Variants in SNTB2 observed in about 807,000 individuals in gnomAD.
SNTB2 encodes the protein syntrophin beta 2.
In SNTB2, 34 loss-of-function variants were observed where a neutral mutation model predicts 46.2. That is an observed-to-expected ratio of 0.74 (90% CI 0.56 to 0.98). SNTB2 has a LOEUF of 0.98. SNTB2 is among the 50% of genes least tolerant of loss of function. The pLI is 0.00. For missense variants in SNTB2, 603 were observed against 731.4 expected (o/e 0.82, Z 2.02); for synonymous variants, 290 against 312.6 (o/e 0.93, Z 0.76).
intron 5 of SNTB2, among the ~76,000 whole-genome samples, chr16:69,298,849 T>C (rs1965252322): frequency 6.6e-6 from 1 of 152,126 alleles, no homozygotes; most frequent in South Asian, 2.1e-4. Context: ...AGGGCCTATC[T>C]GAAGGCCCAT....
chr16:69,308,784 T>G lies in SNTB2; in HGVS notation c.*7860T>G, dbSNP rs775365896. 3 of 152,206 alleles carry G rather than the reference T, an allele frequency of 2.0e-5. No homozygotes were observed. The highest frequency in any genetic ancestry group is 1.3e-4 in the Admixed American group (2 of 15,272). 9.4% of individuals were successfully genotyped at this position (152,206 alleles called of 1,614,324 possible). ...TATTTAAACAAGCCTTCTTTTTAAG[T>G]CTTGTTTGAAATTTAAGTCTCAGAT... On this transcript the variant is annotated 3_prime_UTR_variant, in exon 7 of 7. Transcript: ENST00000336278.
At chr16:69,255,169 C>T (rs1345036096) in intron 2 of SNTB2, among the ~76,000 whole-genome samples, 1 of 152,022 alleles carries the variant, frequency 6.6e-6, no homozygotes, top group Non-Finnish European at 1.5e-5. Context: ...ACTATCATAG[C>T]TCACTCTAGC....
intron 1 of SNTB2, among the ~76,000 whole-genome samples, chr16:69,222,835 G>T (rs1389292728): frequency 6.6e-6 from 1 of 152,088 alleles, no homozygotes; most frequent in Admixed American, 6.6e-5. Flanking sequence ...AGGCTGGAGT[G>T]CAGTGGTGCG....
chr16:69,300,871 G>C lies in SNTB2; in HGVS notation c.1570G>C (p.Val524Leu), dbSNP rs1246312354. Residue 524 changes from valine (V) to leucine (L), a missense_variant, in exon 7 of 7, where the codon GTG becomes CTG. This residue lies in a region of SNTB2 where 537 missense variants were observed against 692.4 expected (regional missense o/e 0.78). Transcript: ENST00000336278. ...LHSCPKPIVF[V>L]LHTFLSAKVT... ...CTCTTGTCCGAAGCCGATTGTATTT[G>C]TGTTGCACACGTTTTTATCGGCCAA... 2.5e-6 allele frequency: 4 copies of C among 1,614,002 alleles called. No individual in the cohort carries two copies. In the South Asian group the frequency reaches 4.4e-5, roughly 18 times the overall value.
At chr16:69,248,133 T>A (rs564878633) in intron 2 of SNTB2, among the ~76,000 whole-genome samples, 1 of 152,188 alleles carries the variant, frequency 6.6e-6, no homozygotes, top group African/African-American at 2.4e-5. Flanking sequence ...TTAAGAAAAG[T>A]CTTAACTGAC....
chr16:69,284,085 C>G lies in SNTB2; in HGVS notation c.1186C>G (p.Leu396Val), dbSNP rs770127255. The G allele has an allele frequency of 6.2e-7, 1 of 1,613,646 alleles. No homozygotes were observed. The highest frequency in any genetic ancestry group is 8.5e-7 in the Non-Finnish European group (1 of 1,179,834). The change falls in exon 5 of 7, where the codon CTT becomes GTT. Residue 396 changes from leucine (L) to valine (V), a missense_variant. Leu to Val is a conservative substitution (Grantham distance 32). Coordinates refer to ENST00000336278, the MANE Select transcript of SNTB2 (RefSeq NM_006750.4). Reference sequence around the variant, plus strand: ...TGGCTCCGGATGTCGATCCCCCTCCCTTGGATCTGACCTTACATTTGCTAC... The same window carrying G: ...TGGCTCCGGATGTCGATCCCCCTCCGTTGGATCTGACCTTACATTTGCTAC... The part of the protein sequence containing the change: ...HSGSGCRSPS[L>V]GSDLTFATRT...
At chr16:69,236,717 C>T (rs1212648676) in intron 1 of SNTB2, among the ~76,000 whole-genome samples, 3 of 149,354 alleles carry the variant, frequency 2.0e-5, no homozygotes, top group African/African-American at 7.4e-5. Context: ...ACTACAGTGG[C>T]TGGTCTGAGT....
rs567115862 is a variant in SNTB2 at position 69,284,117 on chromosome 16, A to G, written c.1218A>G (p.Thr406=). The change falls in exon 5 of 7, where the codon ACA becomes ACG. Residue 406 remains threonine (T), a synonymous_variant. Coordinates refer to ENST00000336278, the MANE Select transcript of SNTB2 (RefSeq NM_006750.4). ...CTGACCTTACATTTGCTACCAGGAC[A>G]GGCTCTCGACAGGGCATTGAGATGC... ...LGSDLTFATR[T]GSRQGIEMHL... is the part of the protein sequence containing the mutation. 1 of 1,614,040 alleles carries G rather than the reference A, an allele frequency of 6.2e-7. No homozygotes were observed. Among genetic ancestry groups the G allele is most frequent in the South Asian group, 1.1e-5 (1 of 91,074 alleles).
At chr16:69,203,932 G>A (rs1315660923) in intron 1 of SNTB2, among the ~76,000 whole-genome samples, 5 of 151,790 alleles carry the variant, frequency 3.3e-5, no homozygotes, top group East Asian at 1.9e-4. Context: ...TTGCTCTGTC[G>A]CCCAGGCTGG....
At chr16:69,219,651 T>C (rs1361691134) in intron 1 of SNTB2, among the ~76,000 whole-genome samples, 1 of 152,262 alleles carries the variant, frequency 6.6e-6, no homozygotes, top group Non-Finnish European at 1.5e-5. Flanking sequence ...CCGTCTCATT[T>C]GGTTGTAAAT....
chr16:69,210,027 T>A (rs1250701687), intron 1 of SNTB2, among the ~76,000 whole-genome samples: 3,635 of 149,244 alleles, frequency 0.024, 151 homozygotes, highest in African/African-American at 0.084. Context: ...TAATTTTTTT[T>A]TTTTTTTTTT....
At position 69,257,387 on chromosome 16, in the gene SNTB2, T is replaced by C. The variant is rs956702207; in HGVS notation, c.795-2663T>C. Among the ~76,000 whole-genome samples the C allele has an allele frequency of 3.5e-4, 53 of 151,978 alleles. 1 individual carries two copies. Among genetic ancestry groups the C allele is most frequent in the African/African-American group, 1.0e-3 (43 of 41,514 alleles). ...ACATGAACTTTCAAATATGGACTTT[T>C]CTTAAGCCCTTTGGCTGTTCATGAC... is the stretch of plus-strand genomic sequence containing the variant. On this transcript the variant is annotated intron_variant, in intron 2 of 6. Transcript: ENST00000336278.
chr16:69,245,851 C>T, intron 2 of SNTB2, 36 bp downstream of exon 2: 3 of 1,585,708 alleles, frequency 1.9e-6, no homozygotes, highest in Non-Finnish European at 2.6e-6. Context: ...ATACCTACAG[C>T]TTTACAAACT....
At chr16:69,281,841 C>T (rs1451060734) in intron 4 of SNTB2, among the ~76,000 whole-genome samples, 1 of 148,354 alleles carries the variant, frequency 6.7e-6, no homozygotes, top group Non-Finnish European at 1.5e-5. Context: ...AAGACTCCAT[C>T]TTAAGAAAAA....
At chr16:69,254,435 G>A (rs939418715) in intron 2 of SNTB2, among the ~76,000 whole-genome samples, 2 of 152,074 alleles carry the variant, frequency 1.3e-5, no homozygotes, top group African/African-American at 4.8e-5. Context: ...AAATTTTGTT[G>A]TAGTCACTCC....
At chr16:69,255,388 C>T (rs573069412) in intron 2 of SNTB2, among the ~76,000 whole-genome samples, 6 of 151,984 alleles carry the variant, frequency 3.9e-5, no homozygotes, top group Middle Eastern at 6.8e-3. Flanking sequence ...GGTGAAACCC[C>T]GTATCTACTA....
intron 1 of SNTB2, among the ~76,000 whole-genome samples, chr16:69,236,524 T>C (rs1470809411): frequency 6.6e-6 from 1 of 152,020 alleles, no homozygotes; most frequent in Non-Finnish European, 1.5e-5. Flanking sequence ...GTTTAGTGGG[T>C]ATAGAGTTTC....
intron 1 of SNTB2, among the ~76,000 whole-genome samples, 160 bp from the exon 2 acceptor site, chr16:69,245,442 G>T (rs1004586175): frequency 6.6e-6 from 1 of 152,048 alleles, no homozygotes. Context: ...TGATCCACCC[G>T]CCTCGGCCTC....
intron 5 of SNTB2, among the ~76,000 whole-genome samples, chr16:69,297,771 G>A (rs909839732): frequency 4.0e-5 from 6 of 151,742 alleles, no homozygotes; most frequent in Admixed American, 2.6e-4. Flanking sequence ...AAAATTAGCC[G>A]GGCGTGGTGG....
Sources: gnomAD v4.1 joint callset for allele counts (sites outside exome capture counted in the v4.1 genomes callset) on GRCh38, gnomAD v4.1.1 for gene constraint, gnomAD v4.1.1 regional missense constraint, MANE v1.5 for transcripts, NCBI Gene and HGNC (gene_info 2026-07-23, HGNC 2026-07-21) for gene names.